The following KLHL2 variants were observed in gnomAD, a reference collection of about 807,000 sequenced individuals.
The protein encoded by KLHL2 is kelch-like protein 2.
A neutral mutation model predicts 75.8 loss-of-function variants in KLHL2; 15 were observed. The observed-to-expected ratio is 0.20, with a 90% CI of 0.13 to 0.30. The LOEUF (loss-of-function observed/expected upper bound fraction) is 0.30, where lower values mean the gene tolerates loss of function less well. KLHL2 is among the 10% of genes least tolerant of loss of function. The pLI, the probability that KLHL2 is intolerant of heterozygous loss-of-function variation, is 1.00. For missense variants in KLHL2, 381 were observed against 741.0 expected, an observed-to-expected ratio of 0.51 and a Z score of 5.64; for synonymous variants, 214 against 251.9, an observed-to-expected ratio of 0.85 and a Z score of 1.42.
rs549822866 is a variant in KLHL2, at chr4:165,228,952, A to G, written c.259+39A>G. ...TAGTTATAGGCATTTTAAAAAATGT[A>G]TTCAGATCTGTGCTTTTCTTACCAC... On this transcript the variant is annotated intron_variant, in intron 3 of 14. Coordinates refer to ENST00000226725, the MANE Select transcript of KLHL2 (RefSeq NM_007246.4). 3.2e-5 allele frequency: 41 copies of G among 1,271,136 alleles called. 1 individual carries two copies. In the South Asian group the frequency reaches 4.1e-4, roughly 13 times the overall value. 78.7% of individuals were successfully genotyped at this position (1,271,136 alleles called of 1,614,324 possible).
chr4:165,254,814 T>C (rs1007707699), intron 4 of KLHL2, among the ~76,000 whole-genome samples: 31 of 152,388 alleles, frequency 2.0e-4, no homozygotes, highest in African/African-American at 7.5e-4. Context: ...GATTACATCT[T>C]TTATGTTGAG....
At chr4:165,225,296 C>T (rs937096935) in intron 2 of KLHL2, among the ~76,000 whole-genome samples, 6 of 152,214 alleles carry the variant, frequency 3.9e-5, no homozygotes, top group Non-Finnish European at 7.3e-5. Flanking sequence ...CTTGCCCCAT[C>T]TTAAAGTCAT....
At chr4:165,210,324 G>C in intron 1 of KLHL2, 1 of 846,902 alleles carries the variant, frequency 1.2e-6, no homozygotes, top group Non-Finnish European at 1.9e-6. Context: ...TTCTCCACTG[G>C]CCTGTTGGCA....
At chr4:165,208,215 A>G (rs181431578) in intron 1 of KLHL2, among the ~76,000 whole-genome samples, 101 of 152,200 alleles carry the variant, frequency 6.6e-4, no homozygotes, top group African/African-American at 2.3e-3. Context: ...CCTGAAATGC[A>G]TGGGCACCTG....
At chr4:165,287,246 C>G (rs1434248714) in intron 5 of KLHL2, among the ~76,000 whole-genome samples, 1 of 152,136 alleles carries the variant, frequency 6.6e-6, no homozygotes, top group East Asian at 1.9e-4. Context: ...TGGAATCATA[C>G]AGTATTTTTT....
At chr4:165,214,294 C>T (rs143346233) in intron 1 of KLHL2, among the ~76,000 whole-genome samples, 3 of 152,308 alleles carry the variant, frequency 2.0e-5, no homozygotes, top group African/African-American at 7.2e-5. Context: ...AATGGATCAT[C>T]AACCTCCTTT....
chr4:165,232,807 A>T (rs1218552904), intron 3 of KLHL2, among the ~76,000 whole-genome samples: 2 of 147,402 alleles, frequency 1.4e-5, no homozygotes, highest in Non-Finnish European at 3.0e-5. Flanking sequence ...GTGTATGTAG[A>T]CTCATTTAAG....
intron 1 of KLHL2, among the ~76,000 whole-genome samples, chr4:165,215,898 T>C (rs1384709164): frequency 1.3e-5 from 2 of 152,160 alleles, no homozygotes. Context: ...GATGCCATCA[T>C]GTATGTATAG....
At chr4:165,311,630 AATCTCAACTTTAGT>A in intron 11 of KLHL2, 65 bp downstream of exon 11, 1 of 1,138,808 alleles carries the variant, frequency 8.8e-7, no homozygotes. Flanking sequence ...TTCTTCCAGT[AATCTCAACTTTAGT>A]TTTCTGAATG....
At chr4:165,217,666 A>G (rs760655603) in intron 1 of KLHL2, among the ~76,000 whole-genome samples, 4 of 152,126 alleles carry the variant, frequency 2.6e-5, no homozygotes, top group Non-Finnish European at 5.9e-5. Flanking sequence ...ACTAGTGCTG[A>G]TTCTGGGGTT....
intron 6 of KLHL2, among the ~76,000 whole-genome samples, chr4:165,295,295 C>T (rs1260920980): frequency 6.6e-6 from 1 of 152,146 alleles, no homozygotes. Flanking sequence ...TTCTCTTTCT[C>T]AAGGCTATTC....
chr4:165,306,959 A>G (rs896396938), intron 9 of KLHL2, among the ~76,000 whole-genome samples: 4 of 152,184 alleles, frequency 2.6e-5, no homozygotes, highest in Admixed American at 6.5e-5. Flanking sequence ...CCATATGCCA[A>G]AGTTATCTAT....
At chr4:165,213,930 G>A (rs1213963755) in intron 1 of KLHL2, among the ~76,000 whole-genome samples, 1 of 152,152 alleles carries the variant, frequency 6.6e-6, no homozygotes, top group Non-Finnish European at 1.5e-5. Context: ...TGCCTATACA[G>A]CTCCCTGAGA....
At chr4:165,243,109 A>T (rs556425601) in intron 4 of KLHL2, among the ~76,000 whole-genome samples, 73 of 152,084 alleles carry the variant, frequency 4.8e-4, no homozygotes, top group African/African-American at 1.4e-3. Flanking sequence ...ATAACTGAAA[A>T]TTTTTTTCAC....
At chr4:165,261,604 G>T (rs1378169438) in intron 4 of KLHL2, among the ~76,000 whole-genome samples, 1 of 152,196 alleles carries the variant, frequency 6.6e-6, no homozygotes, top group East Asian at 1.9e-4. Flanking sequence ...CTCCTAAAGT[G>T]CTGGGATTAC....
At chr4:165,256,289 G>A (rs952159374) in intron 4 of KLHL2, among the ~76,000 whole-genome samples, 2 of 152,142 alleles carry the variant, frequency 1.3e-5, no homozygotes, top group Admixed American at 1.3e-4. Flanking sequence ...GTCTCCATTG[G>A]TTGGAAATCA....
chr4:165,318,352 G>T (rs2126589996), intron 14 of KLHL2, among the ~76,000 whole-genome samples: 1 of 152,254 alleles, frequency 6.6e-6, no homozygotes, highest in South Asian at 2.1e-4. Flanking sequence ...TTATAGTGAG[G>T]CTGTGGAATA....
chr4:165,213,946 A>G (rs1456077850), intron 1 of KLHL2, among the ~76,000 whole-genome samples: 1 of 152,232 alleles, frequency 6.6e-6, no homozygotes, highest in African/African-American at 2.4e-5. Flanking sequence ...TGAGATAGGT[A>G]GGTGAGATAT....
chr4:165,241,825 C>A (rs1031859971), intron 4 of KLHL2, among the ~76,000 whole-genome samples: 8 of 151,866 alleles, frequency 5.3e-5, no homozygotes, highest in Non-Finnish European at 8.8e-5. Flanking sequence ...CAATATAATA[C>A]CTATTTGAAG....
Sources: allele counts gnomAD v4.1 joint callset (sites outside exome capture counted in the v4.1 genomes callset), GRCh38; gene constraint gnomAD v4.1.1; transcripts MANE v1.5; gene names NCBI Gene and HGNC (gene_info 2026-07-23, HGNC 2026-07-21).